The following NAALADL2 variants were observed in gnomAD, a reference collection of about 807,000 sequenced individuals.
NAALADL2 encodes the protein N-acetylated alpha-linked acidic dipeptidase like 2, also known as inactive N-acetylated-alpha-linked acidic dipeptidase-like protein 2.
A neutral mutation model predicts 87.2 loss-of-function variants in NAALADL2; 76 were observed. The observed-to-expected ratio is 0.87, with a 90% confidence interval of 0.72 to 1.05. The LOEUF (loss-of-function observed/expected upper bound fraction) is 1.05. Ranked by LOEUF, NAALADL2 falls within the 50% of genes least tolerant of loss-of-function variation. The pLI is 0.00. For synonymous variants in NAALADL2, 354 were observed against 331.0 expected (o/e 1.07, Z -0.75); for missense variants, 1,089 against 945.8 (o/e 1.15, Z -1.99).
intron 11 of NAALADL2, among the ~76,000 whole-genome samples, chr3:175,713,149 A>G (rs1321922098): frequency 6.6e-6 from 1 of 152,152 alleles, no homozygotes; most frequent in Non-Finnish European, 1.5e-5. Flanking sequence ...CTGAATTAGT[A>G]GATTTTCCTG....
rs188221000 is a variant in NAALADL2 at position 174,887,002 on chromosome 3, T to C, written c.43+27552T>C. On this transcript the variant is annotated intron_variant, in intron 1 of 13. Transcript: ENST00000454872. ...CGTGGGTACATTTTTCAGCTGTATT[T>C]CTACTCTAATAATCAAGCTATAACT... 5.3e-3 allele frequency among the ~76,000 whole-genome samples: 806 copies of C among 152,298 alleles called. 22 individuals carry two copies. Among genetic ancestry groups the C allele is most frequent in the East Asian group, 3.9e-3 (20 of 5,178 alleles).
chr3:174,539,093 TAAAC>T (rs1480270630), intron 1 of NAALADL2, among the ~76,000 whole-genome samples: 3 of 152,110 alleles, frequency 2.0e-5, no homozygotes, highest in Non-Finnish European at 4.4e-5. Flanking sequence ...ATTTTTCAAA[TAAAC>T]AATCTAATAA....
intron 5 of NAALADL2, among the ~76,000 whole-genome samples, chr3:175,423,176 G>T (rs1226806050): frequency 3.7e-5 from 5 of 133,896 alleles, no homozygotes; most frequent in African/African-American, 5.6e-5. Flanking sequence ...GGAGGGGGGG[G>T]TCTCTTCTTT....
intron 2 of NAALADL2, among the ~76,000 whole-genome samples, chr3:174,589,823 C>T (rs1241617456): frequency 6.7e-6 from 1 of 150,348 alleles, no homozygotes; most frequent in Admixed American, 6.6e-5. Context: ...GTTTTTTAAA[C>T]CCTTATTAGT....
intron 11 of NAALADL2, among the ~76,000 whole-genome samples, chr3:175,669,360 G>A (rs1733623561): frequency 6.6e-6 from 1 of 152,052 alleles, no homozygotes; most frequent in Non-Finnish European, 1.5e-5. Context: ...ACAATAAGTT[G>A]TAGGACGATG....
At chr3:174,586,153 T>A (rs1329956459) in intron 2 of NAALADL2, among the ~76,000 whole-genome samples, 5 of 152,226 alleles carry the variant, frequency 3.3e-5, no homozygotes, top group Non-Finnish European at 7.3e-5. Context: ...CAACGGATAT[T>A]TGTTCATCTA....
At chr3:174,778,089 A>T (rs1715439220) in intron 3 of NAALADL2, among the ~76,000 whole-genome samples, 2 of 152,074 alleles carry the variant, frequency 1.3e-5, no homozygotes, top group South Asian at 4.1e-4. Flanking sequence ...ATTATGCTAG[A>T]TACTATGCTA....
chr3:174,549,781 C>T (rs1711896795), intron 1 of NAALADL2, among the ~76,000 whole-genome samples: 1 of 152,188 alleles, frequency 6.6e-6, no homozygotes, highest in Non-Finnish European at 1.5e-5. Flanking sequence ...GGAATCCCCT[C>T]CCCATCCAGG....
At chr3:175,389,300 C>T (rs1768793551) in intron 5 of NAALADL2, among the ~76,000 whole-genome samples, 1 of 152,086 alleles carries the variant, frequency 6.6e-6, no homozygotes, top group Non-Finnish European at 1.5e-5. Context: ...TCTCTAATTA[C>T]TGGCAACGAC....
At chr3:175,537,237 C>T (rs1734941419) in intron 9 of NAALADL2, among the ~76,000 whole-genome samples, 1 of 152,090 alleles carries the variant, frequency 6.6e-6, no homozygotes, top group Admixed American at 6.6e-5. Context: ...TGAATACTGC[C>T]GCTTCTCAAA....
At chr3:175,378,641 A>C (rs1013326005) in intron 5 of NAALADL2, among the ~76,000 whole-genome samples, 6 of 152,202 alleles carry the variant, frequency 3.9e-5, no homozygotes, top group Non-Finnish European at 7.4e-5. Context: ...TGCAAATACC[A>C]GCAGTCATAG....
chr3:174,990,483 G>A (rs1746577880), intron 1 of NAALADL2, among the ~76,000 whole-genome samples: 2 of 152,040 alleles, frequency 1.3e-5, no homozygotes, highest in Admixed American at 6.6e-5. Flanking sequence ...ATAGTTGGAG[G>A]GTTTTTATAG....
intron 3 of NAALADL2, among the ~76,000 whole-genome samples, chr3:174,810,019 G>A (rs1027414454): frequency 2.6e-5 from 4 of 152,134 alleles, no homozygotes; most frequent in African/African-American, 7.2e-5. Context: ...TCCATCATGA[G>A]TAAAAGCTCC....
intron 1 of NAALADL2, among the ~76,000 whole-genome samples, chr3:174,527,137 C>T (rs1396261010): frequency 6.6e-6 from 1 of 152,078 alleles, no homozygotes; most frequent in Non-Finnish European, 1.5e-5. Context: ...TGCACTTATT[C>T]AATAGTTTGT....
intron 2 of NAALADL2, among the ~76,000 whole-genome samples, chr3:175,201,226 A>T (rs931576514): frequency 6.6e-6 from 1 of 152,188 alleles, no homozygotes; most frequent in South Asian, 2.1e-4. Flanking sequence ...TATGCTCCGT[A>T]ACATTTGTGG....
chr3:174,897,749 A>T (rs1196260059), intron 1 of NAALADL2, among the ~76,000 whole-genome samples: 2 of 152,210 alleles, frequency 1.3e-5, no homozygotes, highest in South Asian at 4.1e-4. Flanking sequence ...TACAATAGTT[A>T]GGAGCAACCT....
At chr3:175,046,543 G>A in intron 1 of NAALADL2, among the ~76,000 whole-genome samples, 1 of 152,062 alleles carries the variant, frequency 6.6e-6, no homozygotes, top group Admixed American at 6.6e-5. Flanking sequence ...AACTGGCTTT[G>A]GATTCCTTCT....
At chr3:175,222,870 AT>A (rs1560186766) in intron 2 of NAALADL2, among the ~76,000 whole-genome samples, 1 of 152,050 alleles carries the variant, frequency 6.6e-6, no homozygotes, top group African/African-American at 2.4e-5. Flanking sequence ...ATTGTTTTAT[AT>A]TTTTCAAATC....
intron 1 of NAALADL2, among the ~76,000 whole-genome samples, chr3:174,454,137 A>C (rs1422555248): frequency 1.3e-5 from 2 of 152,170 alleles, no homozygotes; most frequent in Non-Finnish European, 2.9e-5. Context: ...AACAAAGATC[A>C]AAAAAGACAA....
Sources: allele counts gnomAD v4.1 joint callset (sites outside exome capture counted in the v4.1 genomes callset), GRCh38; gene constraint gnomAD v4.1.1; transcripts MANE v1.5; gene names NCBI Gene and HGNC (gene_info 2026-07-23, HGNC 2026-07-21).